Variants in P4HA3 observed in about 807,000 individuals in gnomAD.
P4HA3 encodes prolyl 4-hydroxylase subunit alpha-3.
P4HA3 carries 60 observed loss-of-function variants against 66.7 expected under a neutral mutation model. That is an observed-to-expected ratio of 0.90 (90% CI 0.73 to 1.12). P4HA3 has a LOEUF of 1.12. Ranked by LOEUF, P4HA3 falls within the 50% of genes most tolerant of loss-of-function variation. P4HA3 has a pLI of 0.00. For missense variants in P4HA3, 683 were observed against 685.8 expected (o/e 1.00, Z 0.05); for synonymous variants, 263 against 274.6 (o/e 0.96, Z 0.42).
At chr11:74,308,819 C>T (rs539826953) in intron 1 of P4HA3, among the ~76,000 whole-genome samples, 12 of 152,282 alleles carry the variant, frequency 7.9e-5, no homozygotes, top group African/African-American at 2.2e-4. Flanking sequence ...TCAATTGTTA[C>T]ATGCCAGGTA....
chr11:74,304,288 C>T lies in P4HA3; in HGVS notation c.325G>A (p.Ala109Thr). The T allele has an allele frequency of 6.2e-7, 1 of 1,613,944 alleles. No homozygotes were observed. The highest frequency in any genetic ancestry group is 8.5e-7 in the Non-Finnish European group (1 of 1,179,918). Residue 109 changes from alanine to threonine, a missense_variant, in exon 2 of 13, where the codon GCC (alanine) becomes ACC (threonine). Transcript: ENST00000331597. ...DWRNVVHSLE[A>T]SENIRALKDG... Reference sequence around the variant, plus strand: ...TCATTACCTCGGATGTTCTCACTGGCCTCCAGACTATGTACCACATTCCTC... The same window carrying T: ...TCATTACCTCGGATGTTCTCACTGGTCTCCAGACTATGTACCACATTCCTC...
intron 9 of P4HA3, among the ~76,000 whole-genome samples, chr11:74,274,304 G>GT (rs558751754): frequency 0.042 from 5,592 of 134,730 alleles, 230 homozygotes; most frequent in African/African-American, 0.11. Context: ...TTTTTTTTTT[G>GT]TTTTTTTTTT....
chr11:74,268,326 T>G (rs1591086989), intron 11 of P4HA3, 85 bp from the exon 12 acceptor site: 1 of 1,135,182 alleles, frequency 8.8e-7, no homozygotes, highest in Non-Finnish European at 1.3e-6. Flanking sequence ...AATGCAGGCA[T>G]GTCATTGAAG....
intron 1 of P4HA3, among the ~76,000 whole-genome samples, chr11:74,305,820 T>A (rs1182877432): frequency 1.3e-5 from 2 of 152,168 alleles, no homozygotes; most frequent in African/African-American, 4.8e-5. Flanking sequence ...TATACTCTCC[T>A]AGGAGCTAGG....
chr11:74,282,645 C>A (rs1860647172), intron 7 of P4HA3, among the ~76,000 whole-genome samples: 1 of 152,092 alleles, frequency 6.6e-6, no homozygotes, highest in Non-Finnish European at 1.5e-5. Flanking sequence ...AGTGGTCAGA[C>A]CTGACCTTTT....
At chr11:74,281,533 A>C (rs1860596818) in intron 7 of P4HA3, among the ~76,000 whole-genome samples, 1 of 151,958 alleles carries the variant, frequency 6.6e-6, no homozygotes, top group South Asian at 2.1e-4. Flanking sequence ...ACCATGGAAT[A>C]CTATGCAGCC....
intron 5 of P4HA3, chr11:74,287,303 G>A (rs1298616956): frequency 7.8e-7 from 1 of 1,289,210 alleles, no homozygotes; most frequent in East Asian, 5.5e-5. Flanking sequence ...TGGCAAAGGA[G>A]GAAAGGAAGG....
chr11:74,251,460 C>T, intron 15 of P4HA3: 1 of 1,424,612 alleles, frequency 7.0e-7, no homozygotes. Context: ...CTATCCCTGG[C>T]AAGGATAGTG....
chr11:74,283,801 C>T (rs1162365477), intron 7 of P4HA3, among the ~76,000 whole-genome samples: 1 of 152,236 alleles, frequency 6.6e-6, no homozygotes. Flanking sequence ...CACAGTGAAG[C>T]CTTCCCTGAT....
At chr11:74,307,002 AC>A (rs1224002748) in intron 1 of P4HA3, among the ~76,000 whole-genome samples, 2 of 152,136 alleles carry the variant, frequency 1.3e-5, no homozygotes, top group African/African-American at 2.4e-5. Context: ...AAGATACTCC[AC>A]TGCTTGATGA....
chr11:74,266,961 C>A lies in P4HA3; in HGVS notation c.*287G>T. ...TGAGACTGTTGAGATGTCCTGTTCC[C>A]AACAGAGAGTATCTGAACTCCAGAA... On this transcript the variant is annotated 3_prime_UTR_variant, in exon 13 of 13. Transcript: ENST00000331597. The A allele has an allele frequency of 7.1e-7, 1 of 1,413,186 alleles. No homozygotes were observed. The highest frequency in any genetic ancestry group is 9.4e-7 in the Non-Finnish European group (1 of 1,063,004). 87.5% of individuals were successfully genotyped at this position (1,413,186 alleles called of 1,614,324 possible).
At chr11:74,281,896 A>C (rs1265920102) in intron 7 of P4HA3, among the ~76,000 whole-genome samples, 4 of 147,114 alleles carry the variant, frequency 2.7e-5, no homozygotes, top group Non-Finnish European at 1.5e-5. Flanking sequence ...TAATAATAAT[A>C]ATAAAAGTTT....
intron 1 of P4HA3, among the ~76,000 whole-genome samples, chr11:74,308,921 A>C (rs1040000043): frequency 3.3e-5 from 5 of 152,228 alleles, no homozygotes; most frequent in Non-Finnish European, 5.9e-5. Flanking sequence ...CAGATTAGGA[A>C]ACTAAAGCTC....
chr11:74,291,656 G>A (rs545603609), intron 4 of P4HA3, among the ~76,000 whole-genome samples: 58 of 152,202 alleles, frequency 3.8e-4, no homozygotes, highest in African/African-American at 1.3e-3. Flanking sequence ...TAGCATGAAG[G>A]GTTGTTGAAT....
chr11:74,291,568 T>A (rs1216867976), intron 4 of P4HA3, among the ~76,000 whole-genome samples: 1 of 152,240 alleles, frequency 6.6e-6, no homozygotes, highest in Non-Finnish European at 1.5e-5. Context: ...TTCAGTATGA[T>A]ATTGGCTGTG....
In P4HA3 at chr11:74,304,547, C is replaced by A. The variant is rs116853763; in HGVS notation, c.201-135G>T. On this transcript the variant is annotated intron_variant, in intron 1 of 12. Transcript: ENST00000331597. ...TCTTGAGATTCACATAATAGTCCAACCAAAAAGCCATGCAAGCCCAAAGAA... is the reference window on the plus strand; with the variant it reads ...TCTTGAGATTCACATAATAGTCCAAACAAAAAGCCATGCAAGCCCAAAGAA... 4.8e-3 allele frequency: 5,094 copies of A among 1,052,762 alleles called. 20 individuals carry two copies. Among genetic ancestry groups the A allele is most frequent in the Non-Finnish European group, 5.7e-3 (4,213 of 733,808 alleles). 65.2% of individuals were successfully genotyped at this position (1,052,762 alleles called of 1,614,324 possible).
intron 1 of P4HA3, among the ~76,000 whole-genome samples, chr11:74,307,134 T>C (rs2134833546): frequency 6.6e-6 from 1 of 152,324 alleles, no homozygotes. Context: ...AACTGGGACT[T>C]ATTCTGACCC....
In P4HA3 at chr11:74,311,564, G is replaced by T. The variant is rs913506159; in HGVS notation, c.48C>A (p.Leu16=). Residue 16 remains leucine (L), a synonymous_variant, in exon 1 of 13, where the codon CTC becomes CTA. Coordinates refer to ENST00000331597, the MANE Select transcript of P4HA3 (RefSeq NM_182904.5). ...RLAALLAVLA[L]GTGDPERAAA... Reference sequence around the variant, plus strand: ...CAGCCCTTTCTGGGTCTCCTGTCCCGAGCGCCAGCACCGCCAGCAGCGCCG... The same window carrying T: ...CAGCCCTTTCTGGGTCTCCTGTCCCTAGCGCCAGCACCGCCAGCAGCGCCG... 6.5e-7 allele frequency: 1 copy of T among 1,538,862 alleles called. No homozygotes were observed. The highest frequency in any genetic ancestry group is 1.2e-5 in the South Asian group (1 of 83,688).
chr11:74,307,539 A>T (rs1438277250), intron 1 of P4HA3, among the ~76,000 whole-genome samples: 1 of 152,224 alleles, frequency 6.6e-6, no homozygotes, highest in Non-Finnish European at 1.5e-5. Flanking sequence ...CAAAGAAAAA[A>T]AATCTCTCAA....
Sources: gnomAD v4.1 joint callset for allele counts (sites outside exome capture counted in the v4.1 genomes callset) on GRCh38, gnomAD v4.1.1 for gene constraint, MANE v1.5 for transcripts, NCBI Gene and HGNC (gene_info 2026-07-23, HGNC 2026-07-21) for gene names.